CRACDL: variants seen among roughly 807,000 people sequenced by gnomAD.
The protein encoded by CRACDL is CRACD like.
CRACDL carries 26 observed loss-of-function variants against 70.6 expected under a neutral mutation model. The ratio of observed to expected loss-of-function variants is 0.37; its 90% CI spans 0.27 to 0.51. CRACDL has a LOEUF of 0.51. Ranked by LOEUF, CRACDL falls within the 20% of genes least tolerant of loss-of-function variation. The pLI, the probability that CRACDL is intolerant of heterozygous loss-of-function variation, is 0.94. For missense variants in CRACDL, 1,283 were observed against 1,376.9 expected, an observed-to-expected ratio of 0.93 and a Z score of 1.08; for synonymous variants, 618 against 615.2, an observed-to-expected ratio of 1.00 and a Z score of -0.07.
intron 7 of CRACDL, among the ~76,000 whole-genome samples, chr2:98,807,629 G>A (rs1384439708): frequency 6.6e-6 from 1 of 152,228 alleles, no homozygotes; most frequent in South Asian, 2.1e-4. Context: ...ACATGCCTTT[G>A]TGCAAGTTCT....
At chr2:98,884,772 C>A (rs1406252787) in intron 1 of CRACDL, among the ~76,000 whole-genome samples, 1 of 152,184 alleles carries the variant, frequency 6.6e-6, no homozygotes, top group Non-Finnish European at 1.5e-5. Context: ...GGGACTCTTG[C>A]CAGACACCAA....
chr2:98,844,402 G>A (rs1553559931), intron 2 of CRACDL, among the ~76,000 whole-genome samples: 1 of 152,108 alleles, frequency 6.6e-6, no homozygotes, highest in Non-Finnish European at 1.5e-5. Flanking sequence ...ATGCCTTCAT[G>A]TGTCTGTTTC....
chr2:98,799,315 C>A (rs1349770263), intron 7 of CRACDL, among the ~76,000 whole-genome samples: 1 of 152,150 alleles, frequency 6.6e-6, no homozygotes, highest in Admixed American at 6.5e-5. Context: ...ATTCTTTTCC[C>A]TTAGTGCCCT....
chr2:98,849,808 A>G (rs1308525686), intron 1 of CRACDL, among the ~76,000 whole-genome samples: 2 of 152,160 alleles, frequency 1.3e-5, no homozygotes, highest in Non-Finnish European at 2.9e-5. Context: ...CTTCATACAG[A>G]TAAGAGCATA....
In CRACDL at chr2:98,821,940, G is replaced by C; in HGVS notation, c.2333C>G (p.Ala778Gly). ...CTCTCCCGGGCCGGCGTCGGGGGGC[G>C]CGGGCTGGTGCGGGAGCGTGAAGCT... Reference protein sequence around the residue: ...LQSFTLPHQPAPPDAGPGERE... With the variant: ...LQSFTLPHQPGPPDAGPGERE... Residue 778 changes from alanine to glycine, a missense_variant, in exon 7 of 10, where the codon GCG (alanine) becomes GGG (glycine). Ala to Gly is a moderately conservative substitution (Grantham distance 60, BLOSUM62 0). Around this residue, in one of 2 missense-constraint regions of CRACDL, gnomAD observed 921 missense variants for 881.9 expected, o/e 1.04. Transcript: ENST00000397899. 2 of 1,554,912 alleles carry C rather than the reference G, an allele frequency of 1.3e-6. No individual in the cohort carries two copies. Among genetic ancestry groups the C allele is most frequent in the Non-Finnish European group, 1.7e-6 (2 of 1,154,172 alleles).
chr2:98,932,118 C>T (rs1013228459), intron 1 of CRACDL, among the ~76,000 whole-genome samples: 5 of 152,290 alleles, frequency 3.3e-5, no homozygotes, highest in South Asian at 2.1e-4. Flanking sequence ...GGATTTTGAA[C>T]GCTGGCTGTC....
At chr2:98,928,239 A>G (rs749101959) in intron 1 of CRACDL, among the ~76,000 whole-genome samples, 13 of 152,208 alleles carry the variant, frequency 8.5e-5, no homozygotes, top group Non-Finnish European at 1.9e-4. Flanking sequence ...AAAACAATAC[A>G]GACATTACCT....
intron 1 of CRACDL, among the ~76,000 whole-genome samples, chr2:98,856,586 CA>C (rs1232530667): frequency 4.6e-5 from 7 of 152,080 alleles, no homozygotes; most frequent in Non-Finnish European, 1.0e-4. Flanking sequence ...TATTTCTTCT[CA>C]TTTTTTTTAT....
intron 1 of CRACDL, among the ~76,000 whole-genome samples, chr2:98,862,337 C>T (rs1177884625): frequency 6.6e-6 from 1 of 152,106 alleles, no homozygotes; most frequent in African/African-American, 2.4e-5. Context: ...TCCAGAGTTA[C>T]CATACTATTA....
At chr2:98,923,505 G>A (rs1180315964) in intron 1 of CRACDL, among the ~76,000 whole-genome samples, 5 of 152,112 alleles carry the variant, frequency 3.3e-5, no homozygotes, top group Non-Finnish European at 7.3e-5. Flanking sequence ...ATTGCAAAAG[G>A]AGAGCCTGTC....
At chr2:98,856,263 C>CA (rs1197158597) in intron 1 of CRACDL, among the ~76,000 whole-genome samples, 2 of 152,102 alleles carry the variant, frequency 1.3e-5, no homozygotes, top group Non-Finnish European at 2.9e-5. Context: ...AAATTTACAG[C>CA]TAATTTCTTA....
chr2:98,860,474 T>C (rs1228610794), intron 1 of CRACDL, among the ~76,000 whole-genome samples: 1 of 152,152 alleles, frequency 6.6e-6, no homozygotes, highest in Non-Finnish European at 1.5e-5. Context: ...AAACACATAC[T>C]CTTATGGCCA....
chr2:98,810,301 TAGAG>T (rs1201526370), intron 7 of CRACDL, among the ~76,000 whole-genome samples: 2 of 152,088 alleles, frequency 1.3e-5, no homozygotes, highest in East Asian at 1.9e-4. Flanking sequence ...CAGACAAACT[TAGAG>T]AGGCAGAAAT....
intron 1 of CRACDL, among the ~76,000 whole-genome samples, chr2:98,868,678 A>T (rs1707235300): frequency 6.6e-6 from 1 of 152,122 alleles, no homozygotes; most frequent in South Asian, 2.1e-4. Context: ...GCATAATTAC[A>T]ACATCCTTAA....
chr2:98,816,276 C>T (rs571600278), intron 7 of CRACDL, among the ~76,000 whole-genome samples: 10 of 152,284 alleles, frequency 6.6e-5, no homozygotes, highest in Admixed American at 3.3e-4. Flanking sequence ...GGTTTTATGA[C>T]GTATCAGTGG....
At chr2:98,886,661 C>A (rs1054258119) in intron 1 of CRACDL, among the ~76,000 whole-genome samples, 1 of 152,210 alleles carries the variant, frequency 6.6e-6, no homozygotes, top group Non-Finnish European at 1.5e-5. Context: ...TCAGTCTGAT[C>A]ATTAGCTGAT....
chr2:98,810,270 A>C (rs1704500151), intron 7 of CRACDL, among the ~76,000 whole-genome samples: 1 of 152,090 alleles, frequency 6.6e-6, no homozygotes, highest in African/African-American at 2.4e-5. Flanking sequence ...GCTGCAGGAG[A>C]TGTTGGAGGG....
intron 1 of CRACDL, among the ~76,000 whole-genome samples, chr2:98,872,143 G>T (rs1316209045): frequency 6.6e-6 from 1 of 152,116 alleles, no homozygotes; most frequent in Non-Finnish European, 1.5e-5. Flanking sequence ...CGAGGTGGGT[G>T]GATTACTTGA....
chr2:98,823,051 C>CATTAAA lies in CRACDL; in HGVS notation c.1221_1222insTTTAAT (p.Pro407_Glu408insPheAsn). ...GTCTCGGGGGGAGTCGTGTCCCCCT[C>CATTAAA]AGGGATGGCGGTGGGAAACGGGCTC... On this transcript the variant is annotated inframe_insertion, in exon 7 of 10. Coordinates refer to ENST00000397899, the MANE Select transcript of CRACDL (RefSeq NM_207362.3). The surrounding 1 kb of genome is among the most constrained non-coding windows in gnomAD (Gnocchi z 4.0). The CATTAAA allele has an allele frequency of 3.2e-6, 5 of 1,551,882 alleles. No individual in the cohort carries two copies. The highest frequency in any genetic ancestry group is 3.5e-6 in the Non-Finnish European group (4 of 1,149,848).
Sources: gnomAD v4.1 joint callset for allele counts (sites outside exome capture counted in the v4.1 genomes callset) on GRCh38, gnomAD v4.1.1 for gene constraint, gnomAD v4.1.1 regional missense constraint, Gnocchi (gnomAD v3.1) non-coding constraint, MANE v1.5 for transcripts, NCBI Gene and HGNC (gene_info 2026-07-23, HGNC 2026-07-21) for gene names.